Variants in KIAA1549L observed in about 807,000 individuals in gnomAD.
The protein encoded by KIAA1549L is UPF0606 protein KIAA1549L.
A neutral mutation model predicts 160.7 loss-of-function variants in KIAA1549L; 88 were observed. That is an observed-to-expected ratio of 0.55 (90% CI 0.46 to 0.65). The LOEUF (loss-of-function observed/expected upper bound fraction) is 0.65, where lower values mean the gene tolerates loss of function less well. Ranked by LOEUF, KIAA1549L falls within the 30% of genes least tolerant of loss-of-function variation. The pLI is 0.00. For synonymous variants in KIAA1549L, 950 were observed against 976.7 expected (o/e 0.97, Z 0.51); for missense variants, 2,258 against 2,437.5 (o/e 0.93, Z 1.55).
chr11:33,624,126 T>C (rs922429773), intron 16 of KIAA1549L, among the ~76,000 whole-genome samples: 5 of 152,218 alleles, frequency 3.3e-5, no homozygotes, highest in African/African-American at 1.2e-4. Flanking sequence ...AGGCCTCAGC[T>C]GACCCCATGG....
chr11:33,550,054 A>AC (rs1319276929), intron 4 of KIAA1549L, among the ~76,000 whole-genome samples: 3 of 147,980 alleles, frequency 2.0e-5, no homozygotes, highest in African/African-American at 2.5e-5. Context: ...AAAAAAAAAA[A>AC]CACAAAATGA....
intron 10 of KIAA1549L, among the ~76,000 whole-genome samples, chr11:33,579,142 C>T (rs1432502104): frequency 6.6e-6 from 1 of 152,180 alleles, no homozygotes; most frequent in Non-Finnish European, 1.5e-5. Flanking sequence ...CCTCTCTGAC[C>T]TTCATTTTCC....
rs192215575 is a variant in KIAA1549L at position 33,455,067 on chromosome 11, C to T, written c.238+78178C>T. ...TTGCGCCACTGCACTCCAGCCTGGG[C>T]GACAGAGTGAGACTCCATCTCAAAA... On this transcript the variant is annotated intron_variant, in intron 1 of 20. Coordinates refer to ENST00000658780, the MANE Select transcript of KIAA1549L (RefSeq NM_012194.3). Among the ~76,000 whole-genome samples the T allele has an allele frequency of 5.6e-4, 85 of 152,130 alleles. 1 individual carries two copies. The highest frequency in any genetic ancestry group is 1.7e-3 in the African/African-American group (69 of 41,484).
At chr11:33,435,800 A>ATATGTGTGTGTGTGTGTGTGTGTG (rs1554976797) in intron 1 of KIAA1549L, among the ~76,000 whole-genome samples, 1 of 12,884 alleles carries the variant, frequency 7.8e-5, no homozygotes, top group African/African-American at 2.9e-4. Context: ...ATATATATAT[A>ATATGTGTGTGTGTGTGTGTGTGTG]TATATATATA....
chr11:33,577,588 C>T (rs949455191), intron 10 of KIAA1549L, among the ~76,000 whole-genome samples: 1 of 152,096 alleles, frequency 6.6e-6, no homozygotes, highest in African/African-American at 2.4e-5. Flanking sequence ...TGGAAGCTTG[C>T]GGACGCTGTC....
At chr11:33,641,483 T>G (rs867972430) in intron 16 of KIAA1549L, among the ~76,000 whole-genome samples, 7 of 150,718 alleles carry the variant, frequency 4.6e-5, no homozygotes, top group African/African-American at 1.2e-4. Flanking sequence ...TAAGGTAGAT[T>G]ATCTCAATAA....
intron 1 of KIAA1549L, among the ~76,000 whole-genome samples, chr11:33,431,893 G>A (rs1851253033): frequency 6.6e-6 from 1 of 152,248 alleles, no homozygotes; most frequent in South Asian, 2.1e-4. Flanking sequence ...TGCCCCACGG[G>A]AAGGCAGCTA....
intron 16 of KIAA1549L, among the ~76,000 whole-genome samples, chr11:33,642,996 G>A (rs1851627692): frequency 6.6e-6 from 1 of 152,172 alleles, no homozygotes; most frequent in Non-Finnish European, 1.5e-5. Flanking sequence ...CTTTAAGTAA[G>A]CAAATCCAAG....
intron 1 of KIAA1549L, among the ~76,000 whole-genome samples, chr11:33,427,015 A>C (rs1851130696): frequency 6.6e-6 from 1 of 152,186 alleles, no homozygotes; most frequent in South Asian, 2.1e-4. Flanking sequence ...ACTTAGGGAT[A>C]AATATTAAAT....
chr11:33,575,682 G>A (rs888377379), intron 10 of KIAA1549L, among the ~76,000 whole-genome samples: 1 of 152,344 alleles, frequency 6.6e-6, no homozygotes, highest in Middle Eastern at 3.4e-3. Flanking sequence ...GATTTCAGCA[G>A]AGGGAGAAGA....
chr11:33,403,300 C>CATAT (rs74219582), intron 1 of KIAA1549L: 1 of 2,318 alleles, frequency 4.3e-4, no homozygotes, highest in Non-Finnish European at 1.0e-3. Flanking sequence ...CACACACACA[C>CATAT]GCATACACGG....
intron 1 of KIAA1549L, among the ~76,000 whole-genome samples, chr11:33,380,295 TCTACACTCCTGTTCCTC>T (rs1158991507): frequency 1.3e-5 from 2 of 152,212 alleles, no homozygotes; most frequent in African/African-American, 4.8e-5. Flanking sequence ...ATTTTCAGTC[TCTACACTCCTGTTCCTC>T]CTGCTTGGCT....
chr11:33,438,381 C>T (rs1024674561), intron 1 of KIAA1549L, among the ~76,000 whole-genome samples: 2 of 152,200 alleles, frequency 1.3e-5, no homozygotes, highest in Admixed American at 1.3e-4. Flanking sequence ...AATAGCAAAA[C>T]TTGTTAGAAC....
At chr11:33,447,396 C>G (rs1041977905) in intron 1 of KIAA1549L, among the ~76,000 whole-genome samples, 8 of 152,062 alleles carry the variant, frequency 5.3e-5, no homozygotes, top group Admixed American at 1.3e-4. Flanking sequence ...TGAATGAAAA[C>G]TATTTCATAC....
At chr11:33,424,720 G>T (rs1050656370) in intron 1 of KIAA1549L, among the ~76,000 whole-genome samples, 9 of 152,156 alleles carry the variant, frequency 5.9e-5, no homozygotes, top group Admixed American at 5.9e-4. Context: ...CTGATGAGAA[G>T]GGCAAACAGA....
chr11:33,531,904 T>A (rs1853782067), intron 1 of KIAA1549L, among the ~76,000 whole-genome samples: 1 of 152,178 alleles, frequency 6.6e-6, no homozygotes, highest in South Asian at 2.1e-4. Flanking sequence ...TCAGTAATGT[T>A]TGCCAAAACA....
chr11:33,427,196 C>T (rs1167812350), intron 1 of KIAA1549L, among the ~76,000 whole-genome samples: 1 of 152,092 alleles, frequency 6.6e-6, no homozygotes, highest in Non-Finnish European at 1.5e-5. Context: ...TCTAGGGTGA[C>T]TGCTTCATAC....
At chr11:33,539,722 C>G (rs969235708) in intron 1 of KIAA1549L, among the ~76,000 whole-genome samples, 6 of 152,286 alleles carry the variant, frequency 3.9e-5, no homozygotes, top group African/African-American at 1.2e-4. Context: ...CTTAAATGTT[C>G]TAGCCCAGAA....
chr11:33,466,876 C>T (rs1391135347), intron 1 of KIAA1549L, among the ~76,000 whole-genome samples: 3 of 149,354 alleles, frequency 2.0e-5, no homozygotes, highest in Non-Finnish European at 4.4e-5. Flanking sequence ...GGGCAGAAAA[C>T]CAAACACCAC....
Sources: allele counts gnomAD v4.1 joint callset (sites outside exome capture counted in the v4.1 genomes callset), GRCh38; gene constraint gnomAD v4.1.1; transcripts MANE v1.5; gene names NCBI Gene and HGNC (gene_info 2026-07-23, HGNC 2026-07-21).